RSRP1: variants seen among roughly 807,000 people sequenced by gnomAD.
RSRP1 encodes arginine/serine-rich protein 1.
RSRP1 carries 37 observed loss-of-function variants against 33.0 expected under a neutral mutation model. The ratio of observed to expected loss-of-function variants is 1.12; its 90% CI spans 0.86 to 1.48. The LOEUF is 1.48. RSRP1 is among the 40% of genes most tolerant of loss of function. The pLI, the probability that RSRP1 is intolerant of heterozygous loss-of-function variation, is 0.00. For missense variants in RSRP1, 402 were observed against 385.3 expected, an observed-to-expected ratio of 1.04 and a Z score of -0.36; for synonymous variants, 167 against 158.7, an observed-to-expected ratio of 1.05 and a Z score of -0.40.
intron 1 of RSRP1, among the ~76,000 whole-genome samples, chr1:25,268,293 C>G (rs544310293): frequency 7.6e-6 from 1 of 131,504 alleles, no homozygotes; most frequent in South Asian, 2.3e-4. Context: ...CCAAGGTGGG[C>G]AAGTCACCTG....
Position 25,296,358 on chromosome 1 carries a change from T to C in RSRP1, c.-67+41620A>G, listed in dbSNP as rs1642960174. On this transcript the variant is annotated intron_variant, in intron 1 of 1. Transcript: ENST00000561867. ...GCCTCCTGGATTCAAGCAATTCTTGTGCCTCACCCTCCCGAGTAGCTGGGA... is the reference window on the plus strand; with the variant it reads ...GCCTCCTGGATTCAAGCAATTCTTGCGCCTCACCCTCCCGAGTAGCTGGGA... Among the ~76,000 whole-genome samples, 2 of 124,540 alleles carry C rather than the reference T, an allele frequency of 1.6e-5. 1 individual carries two copies. Among genetic ancestry groups the C allele is most frequent in the African/African-American group, 5.5e-5 (2 of 36,684 alleles). 81.7% of individuals were successfully genotyped at this position (124,540 alleles called of 152,430 possible).
intron 1 of RSRP1, among the ~76,000 whole-genome samples, chr1:25,280,308 CTTT>C (rs76220916): frequency 6.2e-5 from 7 of 113,048 alleles, no homozygotes; most frequent in Admixed American, 8.6e-5. Context: ...TTCCTCATCT[CTTT>C]TTTTTTTTTT....
In RSRP1 at chr1:25,306,247, A is replaced by G. The variant is rs148021941; in HGVS notation, c.-67+31731T>C. 3.1e-3 allele frequency among the ~76,000 whole-genome samples: 404 copies of G among 131,844 alleles called. 68 individuals carry two copies. The highest frequency in any genetic ancestry group is 7.2e-3 in the African/African-American group (277 of 38,294). 86.5% of individuals were successfully genotyped at this position (131,844 alleles called of 152,430 possible). On this transcript the variant is annotated intron_variant, in intron 1 of 1. Coordinates refer to the RSRP1 transcript ENST00000561867. Reference sequence around the variant, plus strand: ...GGGATGCTGCTTAACATCCTACAGTACACAGGGCAGCCCCCACCACAAGGA... The same window carrying G: ...GGGATGCTGCTTAACATCCTACAGTGCACAGGGCAGCCCCCACCACAAGGA...
chr1:25,284,678 C>T lies in RSRP1; in HGVS notation c.-66-37649G>A, dbSNP rs139501061. The stretch of plus-strand genomic sequence containing the variant: ...GTGGCCTTCAACCTCTTCATGCTGG[C>T]GCTTGGTGTGCAGTGGGCAATCCTG... On this transcript the variant is annotated intron_variant, in intron 1 of 1. Coordinates refer to the RSRP1 transcript ENST00000561867. 45 of 1,388,860 alleles carry T rather than the reference C, an allele frequency of 3.2e-5. 3 individuals carry two copies. In the African/African-American group the frequency reaches 3.7e-4, roughly 11 times the overall value. 86.0% of individuals were successfully genotyped at this position (1,388,860 alleles called of 1,614,324 possible). A position where few individuals can be genotyped will look rare whatever the true frequency, so the allele number is the denominator to read the frequency against.
At chr1:25,251,393 G>A (rs527405953), upstream of RSRP1, among the ~76,000 whole-genome samples, 29 of 151,458 alleles carry the variant, frequency 1.9e-4, 1 homozygote, top group East Asian at 3.1e-3. Flanking sequence ...TTTTTGAGAC[G>A]GAGTTTCACT....
Position 25,246,816 on chromosome 1 carries a change from A to G in RSRP1, c.148T>C (p.Ser50Pro). The G allele has an allele frequency of 6.2e-7, 1 of 1,613,486 alleles. No homozygotes were observed. The highest frequency in any genetic ancestry group is 8.5e-7 in the Non-Finnish European group (1 of 1,179,822). Reference protein sequence around the residue: ...SRSSRSHSRVSSRFSSRSRRS... With the variant: ...SRSSRSHSRVPSRFSSRSRRS... ...CGACTCCTGGACGAAAACCGGCTCG[A>G]GACGCGGGAATGGGACCGAGAGCTT... Residue 50 changes from serine (S) to proline (P), a missense_variant, in exon 2 of 5, where the codon TCG becomes CCG. Ser to Pro is a moderately conservative substitution (Grantham distance 74). Transcript: ENST00000243189.
rs577296090 is a variant in RSRP1, at chr1:25,282,472, A to T, written c.-66-35443T>A. Among the ~76,000 whole-genome samples, 76 of 131,656 alleles carry T rather than the reference A, an allele frequency of 5.8e-4. 10 individuals carry two copies. Among genetic ancestry groups the T allele is most frequent in the Middle Eastern group, 4.0e-3 (1 of 248 alleles). The allele number at this position is 131,656 out of a possible 152,430, so 86.4% of individuals were successfully genotyped here. Reference sequence around the variant, plus strand: ...CTAGTCTCGAACTGCTGACTTCATGATCTGCCCACCTCATCCTCCTAAATT... The same window carrying T: ...CTAGTCTCGAACTGCTGACTTCATGTTCTGCCCACCTCATCCTCCTAAATT... On this transcript the variant is annotated intron_variant, in intron 1 of 1. Coordinates refer to the RSRP1 transcript ENST00000561867.
intron 1 of RSRP1, among the ~76,000 whole-genome samples, chr1:25,297,129 A>G (rs565454189): frequency 0.016 from 1,779 of 113,478 alleles, 233 homozygotes; most frequent in African/African-American, 0.048. Flanking sequence ...ATTAAATTCC[A>G]TCAATCTGGA....
At position 25,303,615 on chromosome 1, in the gene RSRP1, G is replaced by A. The variant is rs1293468795; in HGVS notation, c.-67+34363C>T. On this transcript the variant is annotated intron_variant, in intron 1 of 1. Coordinates refer to the RSRP1 transcript ENST00000561867. ...CCTAGTGAGGGATCCATCCTGGCTC[G>A]GTGGCGCATTTGTTAAGATGCTCGG... Among the ~76,000 whole-genome samples the A allele has an allele frequency of 2.6e-4, 34 of 131,150 alleles. 5 individuals are homozygous for A. The highest frequency in any genetic ancestry group is 7.6e-4 in the African/African-American group (29 of 38,068). 86.0% of individuals were successfully genotyped at this position (131,150 alleles called of 152,430 possible). A position where few individuals can be genotyped will look rare whatever the true frequency, so the allele number is the denominator to read the frequency against.
At position 25,287,048 on chromosome 1, in the gene RSRP1, G is replaced by A. The variant is rs1389504464; in HGVS notation, c.-66-40019C>T. Among the ~76,000 whole-genome samples, 4 of 135,038 alleles carry A rather than the reference G, an allele frequency of 3.0e-5. 1 individual carries two copies. The highest frequency in any genetic ancestry group is 5.3e-5 in the Non-Finnish European group (3 of 56,932). The allele number at this position is 135,038 out of a possible 152,430, so 88.6% of individuals were successfully genotyped here. On this transcript the variant is annotated intron_variant, in intron 1 of 1. Coordinates refer to the RSRP1 transcript ENST00000561867. ...GCGGAGGCTATAGTGAGCCGAGATCGCACCATTGCACTGTAGCCTGGGCGA... is the reference window on the plus strand; with the variant it reads ...GCGGAGGCTATAGTGAGCCGAGATCACACCATTGCACTGTAGCCTGGGCGA...
chr1:25,267,638 C>G (rs1640349772), intron 1 of RSRP1: 1 of 128,464 alleles, frequency 7.8e-6, no homozygotes, highest in Non-Finnish European at 1.8e-5. Context: ...TGGCCGCAAA[C>G]CTGAACCCAC....
intron 1 of RSRP1, chr1:25,284,881 A>G (rs889312564): frequency 1.4e-5 from 15 of 1,104,424 alleles, no homozygotes; most frequent in Non-Finnish European, 2.0e-5. Flanking sequence ...TGCAATATTT[A>G]GGACATCCTT....
chr1:25,273,147 TC>T (rs1557508049), intron 1 of RSRP1, among the ~76,000 whole-genome samples: 1 of 130,228 alleles, frequency 7.7e-6, no homozygotes, highest in African/African-American at 2.6e-5. Flanking sequence ...ATTTCTTATT[TC>T]TTTTTGAGGC....
intron 1 of RSRP1, chr1:25,303,513 C>T (rs1643560864): frequency 1.5e-6 from 2 of 1,363,574 alleles, no homozygotes; most frequent in South Asian, 1.2e-5. Flanking sequence ...CAGCAGGACG[C>T]TGGGACCTGA....
In RSRP1 at chr1:25,280,162, TG is replaced by T. The variant is rs1463687448; in HGVS notation, c.-66-33134del. Among the ~76,000 whole-genome samples the T allele has an allele frequency of 3.1e-5, 4 of 128,654 alleles. 1 individual carries two copies. Among genetic ancestry groups the T allele is most frequent in the African/African-American group, 1.1e-4 (4 of 36,938 alleles). The allele number at this position is 128,654 out of a possible 152,430, so 84.4% of individuals were successfully genotyped here. A position where few individuals can be genotyped will look rare whatever the true frequency, so the allele number is the denominator to read the frequency against. On this transcript the variant is annotated intron_variant, in intron 1 of 1. Coordinates refer to the RSRP1 transcript ENST00000561867. Reference sequence around the variant, plus strand: ...GCTGCCCTAATTTCATCTTGTTGGCTGAGGCACAATTCCTCTCTCAGGGACA... The same window carrying T: ...GCTGCCCTAATTTCATCTTGTTGGCTAGGCACAATTCCTCTCTCAGGGACA...
rs1642227840 is a variant in RSRP1 at position 25,288,383 on chromosome 1, T to A, written c.-66-41354A>T. On this transcript the variant is annotated intron_variant, in intron 1 of 1. Transcript: ENST00000561867. ...TTTGTAGAGATGGAGTCTCACTATGTTGCCCAGGCTGGTCTCAAACTCCAG... is the reference window on the plus strand; with the variant it reads ...TTTGTAGAGATGGAGTCTCACTATGATGCCCAGGCTGGTCTCAAACTCCAG... 1.6e-5 allele frequency among the ~76,000 whole-genome samples: 2 copies of A among 126,850 alleles called. 1 individual carries two copies. Among genetic ancestry groups the A allele is most frequent in the Non-Finnish European group, 3.7e-5 (2 of 53,674 alleles). 83.2% of individuals were successfully genotyped at this position (126,850 alleles called of 152,430 possible).
In RSRP1 at chr1:25,291,797, G is replaced by C. The variant is rs538917984; in HGVS notation, c.-66-44768C>G. ...AATTTGAAGGCAGCTGTGAAGGTAA[G>C]GCCAATCCAAATGGCTCTCCCAGAT... On this transcript the variant is annotated intron_variant, in intron 1 of 1. Transcript: ENST00000561867. Among the ~76,000 whole-genome samples, 34 of 132,640 alleles carry C rather than the reference G, an allele frequency of 2.6e-4. 4 individuals are homozygous for C. Among genetic ancestry groups the C allele is most frequent in the African/African-American group, 8.5e-4 (33 of 38,998 alleles). The allele number at this position is 132,640 out of a possible 152,430, so 87.0% of individuals were successfully genotyped here.
chr1:25,252,399 T>C (rs889900438), upstream of RSRP1, among the ~76,000 whole-genome samples: 3 of 151,986 alleles, frequency 2.0e-5, no homozygotes, highest in Non-Finnish European at 4.4e-5. Context: ...AATCAGCATA[T>C]ATACACTCAC....
chr1:25,271,654 G>A (rs1640521365), intron 1 of RSRP1, among the ~76,000 whole-genome samples: 1 of 132,598 alleles, frequency 7.5e-6, no homozygotes, highest in African/African-American at 2.6e-5. Flanking sequence ...GAGCACAGGG[G>A]AAGTTGGCTG....
Sources: gnomAD v4.1 joint callset for allele counts (sites outside exome capture counted in the v4.1 genomes callset) on GRCh38, gnomAD v4.1.1 for gene constraint, MANE v1.5 for transcripts, NCBI Gene and HGNC (gene_info 2026-07-23, HGNC 2026-07-21) for gene names.